Variants in ZNF451 observed in about 807,000 individuals in gnomAD.
ZNF451 encodes E3 SUMO-protein ligase ZNF451.
ZNF451 carries 80 observed loss-of-function variants against 107.1 expected under a neutral mutation model. The ratio of observed to expected loss-of-function variants is 0.75; its 90% CI spans 0.62 to 0.90. The LOEUF (loss-of-function observed/expected upper bound fraction) is 0.90. ZNF451 is among the 40% of genes least tolerant of loss of function. The probability of loss-of-function intolerance (pLI) is 0.00; values close to 1 mark genes in which losing one functional copy is unlikely to be tolerated. For synonymous variants in ZNF451, 362 were observed against 406.5 expected (o/e 0.89, Z 1.32); for missense variants, 1,107 against 1,236.2 (o/e 0.90, Z 1.57).
At chr6:57,097,353 A>G (rs1829378188) in intron 2 of ZNF451, among the ~76,000 whole-genome samples, 2 of 152,208 alleles carry the variant, frequency 1.3e-5, no homozygotes, top group Non-Finnish European at 2.9e-5. Context: ...ATTCTAGGGA[A>G]GATCATTACC....
intron 4 of ZNF451, among the ~76,000 whole-genome samples, chr6:57,125,928 C>A (rs911175650): frequency 2.0e-5 from 3 of 152,060 alleles, no homozygotes; most frequent in Non-Finnish European, 4.4e-5. Context: ...TCCCCACCCC[C>A]CTAGAACTAT....
At chr6:57,100,729 A>G (rs1372049736) in intron 3 of ZNF451, 1 of 1,550,494 alleles carries the variant, frequency 6.4e-7, no homozygotes, top group Non-Finnish European at 8.7e-7. Context: ...CAGTCCAGAA[A>G]GGATAGTTTC....
intron 3 of ZNF451, chr6:57,116,160 G>A (rs1447850139): frequency 5.9e-5 from 9 of 152,232 alleles, no homozygotes; most frequent in South Asian, 2.1e-4. Flanking sequence ...TAAATTACAC[G>A]TCAGTATGTG....
At chr6:57,102,372 G>A in intron 3 of ZNF451, 1 of 1,099,734 alleles carries the variant, frequency 9.1e-7, no homozygotes, top group Admixed American at 4.6e-5. Context: ...GTGTGGAGGA[G>A]GACCACTCAG....
In ZNF451 at chr6:57,153,842, G is replaced by C; in HGVS notation, c.2884-19G>C. 5.0e-6 allele frequency: 8 copies of C among 1,612,722 alleles called. No homozygotes were observed. Among genetic ancestry groups the C allele is most frequent in the Non-Finnish European group, 6.8e-6 (8 of 1,179,456 alleles). Reference sequence around the variant, plus strand: ...TCATGCTGATTTTTTATCAACCTGTGCCATTTGTTCTAACTTAGGCTGGCC... The same window carrying C: ...TCATGCTGATTTTTTATCAACCTGTCCCATTTGTTCTAACTTAGGCTGGCC... On this transcript the variant is annotated intron_variant, in intron 12 of 14. Transcript: ENST00000370706.
intron 3 of ZNF451, chr6:57,115,516 G>C (rs1032805559): frequency 1.3e-5 from 2 of 152,090 alleles, no homozygotes; most frequent in Non-Finnish European, 2.9e-5. Context: ...CCTCAATATG[G>C]CTATCATTTC....
chr6:57,167,208 T>C (rs1048527275), intron 14 of ZNF451, among the ~76,000 whole-genome samples: 6 of 150,796 alleles, frequency 4.0e-5, no homozygotes, highest in African/African-American at 9.9e-5. Flanking sequence ...CACACACATA[T>C]ATACATATAA....
rs569261075 is a variant in ZNF451, at chr6:57,095,838, G to T, written c.106-3223G>T. 2.0e-5 allele frequency among the ~76,000 whole-genome samples: 3 copies of T among 149,616 alleles called. No homozygotes were observed. The East Asian group carries it at 6.0e-4, about 30-fold the overall frequency. On this transcript the variant is annotated intron_variant, in intron 2 of 14. Transcript: ENST00000370706. ...TTTTGTTGTTGTTGTTGTTGTTGTT[G>T]TTGAGACAAGAGTCCCTCTCTGTTG...
intron 3 of ZNF451, among the ~76,000 whole-genome samples, chr6:57,110,379 A>G (rs569732114): frequency 2.0e-5 from 3 of 152,276 alleles, no homozygotes; most frequent in East Asian, 3.9e-4. Flanking sequence ...GTTGGTTTGT[A>G]CCATAGTCCA....
At position 57,168,634 on chromosome 6, in the gene ZNF451, T is replaced by G. The variant is rs983450410; in HGVS notation, c.*165T>G. The G allele has an allele frequency of 3.1e-6, 2 of 636,926 alleles. No individual in the cohort carries two copies. The highest frequency in any genetic ancestry group is 5.5e-6 in the Non-Finnish European group (2 of 365,402). 39.5% of individuals were successfully genotyped at this position (636,926 alleles called of 1,614,324 possible). A position where few individuals can be genotyped will look rare whatever the true frequency, so the allele number is the denominator to read the frequency against. ...ATCTGATCTTTGTTTTGTATTTTTG[T>G]GCTAATGTGCAAACATGTACAGAAG... On this transcript the variant is annotated 3_prime_UTR_variant, in exon 15 of 15. Coordinates refer to ENST00000370706, the MANE Select transcript of ZNF451 (RefSeq NM_001031623.3).
In ZNF451 at chr6:57,168,714, C is replaced by T. The variant is rs766442081; in HGVS notation, c.*245C>T. 6 of 387,334 alleles carry T rather than the reference C, an allele frequency of 1.5e-5. No homozygotes were observed. Among genetic ancestry groups the T allele is most frequent in the Middle Eastern group, 1.4e-3 (2 of 1,458 alleles). 24.0% of individuals were successfully genotyped at this position (387,334 alleles called of 1,614,324 possible). On this transcript the variant is annotated 3_prime_UTR_variant, in exon 15 of 15. Transcript: ENST00000370706. ...ATTATGTATTCTAATATAGGTGTAA[C>T]AGTTTCCCAGTTAACTTTGAATTTA... is the stretch of plus-strand genomic sequence containing the variant.
At chr6:57,125,164 C>T (rs1210836684) in intron 4 of ZNF451, among the ~76,000 whole-genome samples, 1 of 152,014 alleles carries the variant, frequency 6.6e-6, no homozygotes, top group Non-Finnish European at 1.5e-5. Flanking sequence ...TTTTATCATA[C>T]GAGTGAAAAG....
chr6:57,105,004 T>A (rs1263210582), intron 3 of ZNF451: 1 of 982,630 alleles, frequency 1.0e-6, no homozygotes, highest in Non-Finnish European at 1.2e-6. Context: ...GTGTTAATTT[T>A]TTATTATTTT....
At chr6:57,112,936 T>G (rs1830176993) in intron 3 of ZNF451, among the ~76,000 whole-genome samples, 1 of 152,206 alleles carries the variant, frequency 6.6e-6, no homozygotes, top group African/African-American at 2.4e-5. Context: ...AGTAGTACAA[T>G]GCTATGAGCT....
At chr6:57,103,059 C>T in intron 3 of ZNF451, 8 of 985,414 alleles carry the variant, frequency 8.1e-6, no homozygotes, top group Non-Finnish European at 9.6e-6. Flanking sequence ...TAGTGCATCA[C>T]ACTCTAAATA....
Position 57,147,841 on chromosome 6 carries a change from C to T in ZNF451, c.1756C>T (p.Pro586Ser), listed in dbSNP as rs1401590345. 6.2e-7 allele frequency: 1 copy of T among 1,613,966 alleles called. No homozygotes were observed. The highest frequency in any genetic ancestry group is 1.1e-5 in the South Asian group (1 of 91,080). ...TTLDNLTANK[P>S]SSAITVIDHS... ...ATTGGATAATTTGACTGCTAACAAG[C>T]CTTCATCAGCTATTACTGTTATTGA... The change falls in exon 10 of 15, where the codon CCT (proline) becomes TCT (serine). Residue 586 changes from proline to serine, a missense_variant. Physicochemically the swap from Pro to Ser is moderately conservative, Grantham distance 74. Around this residue, in one of 5 missense-constraint regions of ZNF451, gnomAD observed 608 missense variants for 649.2 expected, o/e 0.94. Coordinates refer to ENST00000370706, the MANE Select transcript of ZNF451 (RefSeq NM_001031623.3).
At chr6:57,159,077 T>C (rs1321228228) in intron 13 of ZNF451, 1 of 985,340 alleles carries the variant, frequency 1.0e-6, no homozygotes, top group East Asian at 1.1e-4. Flanking sequence ...TAATGAAAAC[T>C]ATAGGTTGTT....
chr6:57,129,845 A>G (rs1376966262), intron 5 of ZNF451, among the ~76,000 whole-genome samples: 1 of 152,076 alleles, frequency 6.6e-6, no homozygotes, highest in East Asian at 1.9e-4. Context: ...TGGGGTTTAT[A>G]CGTGGCCAAC....
chr6:57,127,173 A>G (rs763444595), intron 4 of ZNF451, among the ~76,000 whole-genome samples: 1 of 152,116 alleles, frequency 6.6e-6, no homozygotes, highest in Non-Finnish European at 1.5e-5. Context: ...ATCCTGTAGG[A>G]TACACTTTGA....
Sources: gnomAD v4.1 joint callset for allele counts (sites outside exome capture counted in the v4.1 genomes callset) on GRCh38, gnomAD v4.1.1 for gene constraint, gnomAD v4.1.1 regional missense constraint, MANE v1.5 for transcripts, NCBI Gene and HGNC (gene_info 2026-07-23, HGNC 2026-07-21) for gene names.